Variants in CPXCR1 observed in about 807,000 individuals in gnomAD.
CPXCR1 encodes CPX chromosomal region candidate gene 1 protein.
Under a neutral mutation model 13.8 loss-of-function variants are expected in CPXCR1, and 15 were observed. That is an observed-to-expected ratio of 1.09 (90% CI 0.73 to 1.67). The LOEUF is 1.67. CPXCR1 is among the 40% of genes most tolerant of loss of function. The pLI is 0.00. For synonymous variants in CPXCR1, 70 were observed against 76.7 expected (o/e 0.91, Z 0.46); for missense variants, 247 against 223.6 (o/e 1.10, Z -0.67).
At chrX:88,748,179 C>A (rs1378510902) in intron 1 of CPXCR1, among the ~76,000 whole-genome samples, 1 of 110,771 alleles carries the variant, frequency 9.0e-6, no homozygotes, top group Non-Finnish European at 1.9e-5. Flanking sequence ...TAAAAGCTAT[C>A]AGGCATATAC....
At chrX:88,752,906 G>A (rs899978190) in intron 2 of CPXCR1, among the ~76,000 whole-genome samples, 5 of 111,197 alleles carry the variant, frequency 4.5e-5, no homozygotes, top group Non-Finnish European at 9.4e-5. Flanking sequence ...GGGGAAGAAC[G>A]GCTTGTACCT....
intron 2 of CPXCR1, among the ~76,000 whole-genome samples, chrX:88,752,087 A>G (rs1369151027): frequency 8.9e-6 from 1 of 112,311 alleles, no homozygotes; most frequent in Non-Finnish European, 1.9e-5. Context: ...GAATTCAGTA[A>G]GAATGTTCCC....
chrX:88,751,168 CCG>C (rs1462900105), intron 2 of CPXCR1, among the ~76,000 whole-genome samples: 2 of 111,121 alleles, frequency 1.8e-5, no homozygotes, highest in Non-Finnish European at 3.8e-5. Flanking sequence ...GGTTAGGGTG[CCG>C]ATTTTAGATA....
In CPXCR1 at chrX:88,753,788, C is replaced by T. The variant is rs1404210170; in HGVS notation, c.374C>T (p.Pro125Leu). ...GKVEMKANNF[P>L]INHKTRFRLS... ...GTTGAGATGAAAGCAAACAATTTCC[C>T]CATAAATCACAAAACTCGTTTTCGA... is the stretch of plus-strand genomic sequence containing the variant. The change falls in exon 3 of 3, where the codon CCC becomes CTC. Residue 125 changes from proline (P) to leucine (L), a missense_variant. Transcript: ENST00000276127. 2.5e-6 allele frequency: 3 copies of T among 1,207,755 alleles called. No homozygotes were observed. The highest frequency in any genetic ancestry group is 3.4e-6 in the Non-Finnish European group (3 of 893,964).
intron 2 of CPXCR1, among the ~76,000 whole-genome samples, chrX:88,750,866 T>G (rs1434370225): frequency 8.9e-6 from 1 of 111,861 alleles, no homozygotes; most frequent in Non-Finnish European, 1.9e-5. Context: ...TGTGTAGAGG[T>G]GTTTATAGTA....
intron 2 of CPXCR1, among the ~76,000 whole-genome samples, chrX:88,752,813 C>A (rs965607898): frequency 3.1e-4 from 35 of 111,385 alleles, no homozygotes; most frequent in African/African-American, 1.1e-3. Context: ...TCCCAAAGTG[C>A]TGGGATTACA....
Position 88,753,624 on chromosome X carries a change from C to G in CPXCR1, c.210C>G (p.Ser70Arg). 8.3e-7 allele frequency: 1 copy of G among 1,205,343 alleles called. No homozygotes were observed. The highest frequency in any genetic ancestry group is 1.1e-6 in the Non-Finnish European group (1 of 892,441). Residue 70 changes from serine to arginine, a missense_variant, in exon 3 of 3, where the codon AGC becomes AGG. Physicochemically the swap from Ser to Arg is moderately radical, Grantham distance 110. Coordinates refer to ENST00000276127, the MANE Select transcript of CPXCR1 (RefSeq NM_033048.6). ...EDVVPQAAENSELETEIQKDQ... is the reference protein window; with the variant it reads ...EDVVPQAAENRELETEIQKDQ... ...TTGTTCCTCAAGCAGCAGAAAACAG[C>G]GAGCTCGAAACAGAGATCCAAAAAG... is the stretch of plus-strand genomic sequence containing the variant.
chrX:88,753,898 TC>T lies in CPXCR1; in HGVS notation c.485del (p.Ser162PhefsTer12). ...CCATCTGCTATGTGATAGATATTTC[TC>T]TCAGGCTGCAGGGTGTCAGAATACC... ...ILHLLCDRYF[S>X]QAAGCQNTMW... On this transcript the variant is annotated frameshift_variant, in exon 3 of 3. Transcript: ENST00000276127. LOFTEE classifies it high-confidence loss of function. The T allele has an allele frequency of 8.3e-7, 1 of 1,210,812 alleles. No individual in the cohort carries two copies. Among genetic ancestry groups the T allele is most frequent in the Non-Finnish European group, 1.1e-6 (1 of 894,642 alleles).
In CPXCR1 at chrX:88,754,009, C is replaced by G. The variant is rs758907185; in HGVS notation, c.595C>G (p.Pro199Ala). Reference protein sequence around the residue: ...HHERAITFRRPSRVHYYRPLT... With the variant: ...HHERAITFRRASRVHYYRPLT... The stretch of plus-strand genomic sequence containing the variant: ...CGAGAGAGCCATAACATTTAGAAGG[C>G]CTTCGAGGGTGCACTACTACCGTCC... The change falls in exon 3 of 3, where the codon CCT (proline) becomes GCT (alanine). Residue 199 changes from proline to alanine, a missense_variant. Transcript: ENST00000276127. 5 of 1,207,779 alleles carry G rather than the reference C, an allele frequency of 4.1e-6. No homozygotes were observed. The African/African-American group carries it at 8.8e-5, about 21-fold the overall frequency.
chrX:88,750,444 G>A, intron 2 of CPXCR1, among the ~76,000 whole-genome samples: 1 of 111,545 alleles, frequency 9.0e-6, no homozygotes, highest in Non-Finnish European at 1.9e-5. Context: ...TGGTGGATAA[G>A]CTTTTTGATG....
In CPXCR1 at chrX:88,754,685, G is replaced by C. The variant is rs1420512757; in HGVS notation, c.*365G>C. ...TAAGATAGCAAACATATATTGGAAGGCCAGACAAAGTTCTACCAAGTGTTT... is the reference window on the plus strand; with the variant it reads ...TAAGATAGCAAACATATATTGGAAGCCCAGACAAAGTTCTACCAAGTGTTT... On this transcript the variant is annotated 3_prime_UTR_variant, in exon 3 of 3. Coordinates refer to ENST00000276127, the MANE Select transcript of CPXCR1 (RefSeq NM_033048.6). 1 of 120,781 alleles carries C rather than the reference G, an allele frequency of 8.3e-6. No individual in the cohort carries two copies. The highest frequency in any genetic ancestry group is 1.8e-5 in the Non-Finnish European group (1 of 56,008). The allele number at this position is 120,781 out of a possible 1,213,427, so 10.0% of individuals were successfully genotyped here.
chrX:88,753,290 C>CGA (rs1569255250), intron 2 of CPXCR1, 117 bp from the exon 3 acceptor site: 3 of 375,672 alleles, frequency 8.0e-6, no homozygotes, highest in African/African-American at 7.9e-5. Context: ...TTTATAGTTG[C>CGA]GAGAAGGCAC....
intron 2 of CPXCR1, among the ~76,000 whole-genome samples, chrX:88,752,197 C>T (rs940519531): frequency 9.0e-6 from 1 of 111,448 alleles, no homozygotes; most frequent in Non-Finnish European, 1.9e-5. Flanking sequence ...TTAGGGTACA[C>T]TGAAAGTGTT....
intron 2 of CPXCR1, among the ~76,000 whole-genome samples, chrX:88,752,457 A>C (rs1214903435): frequency 9.0e-6 from 1 of 111,297 alleles, no homozygotes; most frequent in Non-Finnish European, 1.9e-5. Flanking sequence ...TATCTACCCT[A>C]CTTTCCCTTC....
intron 2 of CPXCR1, among the ~76,000 whole-genome samples, chrX:88,752,471 C>T (rs1846871933): frequency 1.8e-5 from 2 of 111,359 alleles, no homozygotes; most frequent in African/African-American, 3.3e-5. Flanking sequence ...TCCCTTCTCA[C>T]GATTCACAAT....
At chrX:88,747,961 T>A (rs1356281029) in intron 1 of CPXCR1, among the ~76,000 whole-genome samples, 2 of 112,081 alleles carry the variant, frequency 1.8e-5, no homozygotes, top group African/African-American at 6.5e-5. Flanking sequence ...AAAACTGATT[T>A]AGAAAGATTC....
At chrX:88,749,133 G>A in intron 1 of CPXCR1, among the ~76,000 whole-genome samples, 185 bp from the exon 2 acceptor site, 1 of 88,636 alleles carries the variant, frequency 1.1e-5, no homozygotes, top group African/African-American at 4.4e-5. Flanking sequence ...CCTAACACTG[G>A]ATATTTCTTA....
At chrX:88,750,875 T>C (rs186713653) in intron 2 of CPXCR1, among the ~76,000 whole-genome samples, 69 of 112,196 alleles carry the variant, frequency 6.1e-4, no homozygotes, top group Non-Finnish European at 1.2e-3. Flanking sequence ...GTGTTTATAG[T>C]ATTCTCTGGT....
intron 1 of CPXCR1, among the ~76,000 whole-genome samples, chrX:88,747,656 A>G (rs935166246): frequency 6.3e-5 from 7 of 111,589 alleles, no homozygotes; most frequent in Admixed American, 5.7e-4. Context: ...AAATTAGGAT[A>G]TGGTGGGGAT....
Sources: gnomAD v4.1 joint callset for allele counts (sites outside exome capture counted in the v4.1 genomes callset) on GRCh38, gnomAD v4.1.1 for gene constraint, MANE v1.5 for transcripts, NCBI Gene and HGNC (gene_info 2026-07-23, HGNC 2026-07-21) for gene names.